The following SLC5A12 variants were observed in gnomAD, a reference collection of about 807,000 sequenced individuals.
The protein encoded by SLC5A12 is solute carrier family 5 member 12.
In SLC5A12, 46 loss-of-function variants were observed where a neutral mutation model predicts 72.7. That is an observed-to-expected ratio of 0.63 (90% CI 0.50 to 0.81). SLC5A12 has a LOEUF of 0.81. SLC5A12 is among the 30% of genes least tolerant of loss of function. The pLI is 0.00. For synonymous variants in SLC5A12, 275 were observed against 264.4 expected (o/e 1.04, Z -0.39); for missense variants, 683 against 740.7 (o/e 0.92, Z 0.90).
chr11:26,706,535 GT>G (rs1450138683), intron 4 of SLC5A12, among the ~76,000 whole-genome samples: 3 of 151,756 alleles, frequency 2.0e-5, no homozygotes, highest in Non-Finnish European at 4.4e-5. Flanking sequence ...TGCTATGCTT[GT>G]TTTTCTCTTT....
At chr11:26,692,264 G>A (rs1484525836) in intron 9 of SLC5A12, 2 of 511,538 alleles carry the variant, frequency 3.9e-6, no homozygotes, top group South Asian at 2.1e-5. Context: ...GGTAAGTATA[G>A]AAGAGTATCT....
chr11:26,676,839 T>C (rs1433383177), intron 13 of SLC5A12, among the ~76,000 whole-genome samples: 1 of 152,090 alleles, frequency 6.6e-6, no homozygotes, highest in Non-Finnish European at 1.5e-5. Context: ...TGTCAACATG[T>C]ATGAGTAACA....
chr11:26,678,646 C>G, intron 13 of SLC5A12, 66 bp downstream of exon 13: 1 of 1,147,616 alleles, frequency 8.7e-7, no homozygotes, highest in Non-Finnish European at 1.3e-6. Context: ...AGACAGACAG[C>G]CAGTCCACCA....
At chr11:26,694,770 A>G (rs1776200978) in intron 8 of SLC5A12, among the ~76,000 whole-genome samples, 2 of 152,208 alleles carry the variant, frequency 1.3e-5, no homozygotes, top group Admixed American at 1.3e-4. Context: ...ACCAAAATAT[A>G]CCACTCAGAT....
intron 6 of SLC5A12, among the ~76,000 whole-genome samples, chr11:26,700,350 A>T (rs1281533327): frequency 2.6e-5 from 4 of 152,156 alleles, no homozygotes; most frequent in African/African-American, 9.7e-5. Flanking sequence ...TTCTGTTTGT[A>T]AAATAGGCTT....
At chr11:26,706,743 A>G (rs1371207520) in intron 4 of SLC5A12, among the ~76,000 whole-genome samples, 1 of 151,618 alleles carries the variant, frequency 6.6e-6, no homozygotes, top group South Asian at 2.1e-4. Context: ...TTCCTGATTT[A>G]CATTCTATTT....
Position 26,688,017 on chromosome 11 carries a change from A to G in SLC5A12, c.1154-1473T>C, listed in dbSNP as rs570778340. Among the ~76,000 whole-genome samples, 7 of 152,304 alleles carry G rather than the reference A, an allele frequency of 4.6e-5. No individual in the cohort carries two copies. The South Asian group carries it at 1.0e-3, about 23-fold the overall frequency. On this transcript the variant is annotated intron_variant, in intron 9 of 14. Transcript: ENST00000396005. Reference sequence around the variant, plus strand: ...TTCTGACTGCCCTCTCACTGGACCAATGGTTACCTGTTCAAATGAGATTCT... The same window carrying G: ...TTCTGACTGCCCTCTCACTGGACCAGTGGTTACCTGTTCAAATGAGATTCT...
chr11:26,677,012 T>C (rs1378309868), intron 13 of SLC5A12, among the ~76,000 whole-genome samples: 1 of 152,166 alleles, frequency 6.6e-6, no homozygotes, highest in East Asian at 1.9e-4. Flanking sequence ...CATTTAAACA[T>C]TGTAAGACTT....
intron 10 of SLC5A12, among the ~76,000 whole-genome samples, chr11:26,685,696 C>G (rs1854515697): frequency 6.6e-6 from 1 of 152,124 alleles, no homozygotes. Context: ...ATGTGCTTAT[C>G]TGATGCTGCT....
At chr11:26,686,825 G>A (rs1018565050) in intron 9 of SLC5A12, among the ~76,000 whole-genome samples, 8 of 152,160 alleles carry the variant, frequency 5.3e-5, no homozygotes, top group African/African-American at 1.9e-4. Flanking sequence ...AATCTGTTAT[G>A]TGGAAACAAC....
chr11:26,715,331 G>C (rs1855325600), intron 1 of SLC5A12, among the ~76,000 whole-genome samples: 1 of 47,094 alleles, frequency 2.1e-5, no homozygotes, highest in Non-Finnish European at 1.3e-4. Flanking sequence ...GGGCCATAGG[G>C]CAGATCAGAA....
At position 26,670,822 on chromosome 11, in the gene SLC5A12, T is replaced by G. The variant is rs567639309; in HGVS notation, c.*280A>C. On this transcript the variant is annotated 3_prime_UTR_variant, in exon 15 of 15. Coordinates refer to ENST00000396005, the MANE Select transcript of SLC5A12 (RefSeq NM_178498.4). ...AGCAAAAAGACTTCGCTTTCTTGAA[T>G]GGTAATGAAATCCAGCCCTAATTTA... The G allele has an allele frequency of 3.6e-6, 1 of 274,738 alleles. No individual in the cohort carries two copies. The highest frequency in any genetic ancestry group is 6.5e-5 in the East Asian group (1 of 15,312). 17.0% of individuals were successfully genotyped at this position (274,738 alleles called of 1,614,324 possible). A position where few individuals can be genotyped will look rare whatever the true frequency, so the allele number is the denominator to read the frequency against.
At chr11:26,688,603 C>A (rs1170165133) in intron 9 of SLC5A12, among the ~76,000 whole-genome samples, 2 of 152,148 alleles carry the variant, frequency 1.3e-5, no homozygotes, top group South Asian at 4.1e-4. Context: ...AGTATTCTTT[C>A]TGCAAATAAT....
In SLC5A12 at chr11:26,697,394, T is replaced by C. The variant is rs148837005; in HGVS notation, c.952-142A>G. 2.4e-5 allele frequency: 16 copies of C among 674,968 alleles called. No individual in the cohort carries two copies. In the African/African-American group the frequency reaches 2.4e-4, roughly 10 times the overall value. The allele number at this position is 674,968 out of a possible 1,614,324, so 41.8% of individuals were successfully genotyped here. On this transcript the variant is annotated intron_variant, in intron 7 of 14. Transcript: ENST00000396005. Reference sequence around the variant, plus strand: ...AACATAGCTGTTTAGCAAAAGGAGGTAGGAAGTTTATTTTCCTTGTTTTCA... The same window carrying C: ...AACATAGCTGTTTAGCAAAAGGAGGCAGGAAGTTTATTTTCCTTGTTTTCA...
chr11:26,712,485 T>C (rs1287277491), intron 2 of SLC5A12, among the ~76,000 whole-genome samples, 156 bp downstream of exon 2: 1 of 152,040 alleles, frequency 6.6e-6, no homozygotes, highest in Non-Finnish European at 1.5e-5. Context: ...CATTTGTTTG[T>C]TATTTTTAGT....
intron 12 of SLC5A12, among the ~76,000 whole-genome samples, chr11:26,680,493 T>C (rs1197596539): frequency 6.7e-6 from 1 of 150,356 alleles, no homozygotes; most frequent in Non-Finnish European, 1.5e-5. Flanking sequence ...GGGAATAAAT[T>C]ATAAAACCAA....
rs1324158406 is a variant in SLC5A12 at position 26,711,340 on chromosome 11, C to T, written c.424G>A (p.Val142Met). 6.2e-7 allele frequency: 1 copy of T among 1,611,768 alleles called. No individual in the cohort carries two copies. The highest frequency in any genetic ancestry group is 8.5e-7 in the Non-Finnish European group (1 of 1,178,550). ...AGTGCCAGGGCAGGAGCATACACCA[C>T]CACTCCTGTGTAGAGAATCTGGTAG... ...IVQTILYTGVVVYAPALALNQ... is the reference protein window; with the variant it reads ...IVQTILYTGVMVYAPALALNQ... Residue 142 changes from valine (V) to methionine (M), a missense_variant, in exon 3 of 15, where the codon GTG becomes ATG. Val to Met is a conservative substitution (Grantham distance 21, BLOSUM62 1). Coordinates refer to ENST00000396005, the MANE Select transcript of SLC5A12 (RefSeq NM_178498.4).
chr11:26,713,733 C>G (rs567406819), intron 1 of SLC5A12, among the ~76,000 whole-genome samples: 88 of 152,192 alleles, frequency 5.8e-4, no homozygotes, highest in Admixed American at 8.5e-4. Context: ...TAATTGCCAC[C>G]AATTTGTTGT....
chr11:26,678,824 A>G lies in SLC5A12; in HGVS notation c.1476-9T>C. ...TATCAGCTATTCCAGGTCTGTGGAG[A>G]ACAGCACATGTCACCAATTCCATGC... On this transcript the variant is annotated splice_polypyrimidine_tract_variant and intron_variant, in intron 12 of 14. Transcript: ENST00000396005. The G allele has an allele frequency of 6.3e-7, 1 of 1,590,846 alleles. No homozygotes were observed. Among genetic ancestry groups the G allele is most frequent in the South Asian group, 1.1e-5 (1 of 90,186 alleles).
Sources: allele counts gnomAD v4.1 joint callset (sites outside exome capture counted in the v4.1 genomes callset), GRCh38; gene constraint gnomAD v4.1.1; transcripts MANE v1.5; gene names NCBI Gene and HGNC (gene_info 2026-07-23, HGNC 2026-07-21).